Variants in PCDH11X observed in about 807,000 individuals in gnomAD.
PCDH11X encodes protocadherin-11 X-linked.
PCDH11X carries 18 observed loss-of-function variants against 53.3 expected under a neutral mutation model. The observed-to-expected ratio is 0.34, with a 90% confidence interval of 0.23 to 0.50. The LOEUF (loss-of-function observed/expected upper bound fraction) is 0.50, where lower values mean the gene tolerates loss of function less well. Among genes scored for constraint, PCDH11X ranks in the 20% least tolerant of loss-of-function variants. The pLI, the probability that PCDH11X is intolerant of heterozygous loss-of-function variation, is 0.98. For synonymous variants in PCDH11X, 279 were observed against 393.3 expected, an observed-to-expected ratio of 0.71 and a Z score of 3.44; for missense variants, 570 against 1,032.4, an observed-to-expected ratio of 0.55 and a Z score of 6.14.
chrX:92,315,277 G>T (rs764512260), intron 8 of PCDH11X, among the ~76,000 whole-genome samples: 1 of 112,244 alleles, frequency 8.9e-6, no homozygotes, highest in Admixed American at 9.4e-5. Context: ...AGCATAAAGT[G>T]CACTGGAGGA....
At chrX:92,240,812 T>C (rs1182763784) in intron 7 of PCDH11X, among the ~76,000 whole-genome samples, 2 of 111,239 alleles carry the variant, frequency 1.8e-5, no homozygotes, top group Non-Finnish European at 3.8e-5. Context: ...ACAATTCTGT[T>C]TTCAGAAGTT....
chrX:92,131,057 A>G (rs2064963664), intron 6 of PCDH11X, among the ~76,000 whole-genome samples: 1 of 111,438 alleles, frequency 9.0e-6, no homozygotes, highest in African/African-American at 3.3e-5. Flanking sequence ...ACACATTACC[A>G]CTTAACAGGA....
intron 6 of PCDH11X, among the ~76,000 whole-genome samples, chrX:91,998,370 A>T (rs1351006081): frequency 1.8e-5 from 2 of 111,517 alleles, no homozygotes; most frequent in Non-Finnish European, 3.8e-5. Context: ...TCTTTGTGGT[A>T]TCAGTTGTAA....
chrX:91,904,244 A>C (rs1156421531), intron 6 of PCDH11X, among the ~76,000 whole-genome samples: 2 of 110,877 alleles, frequency 1.8e-5, no homozygotes, highest in East Asian at 5.7e-4. Context: ...ACTTTTAAAA[A>C]TTACTTTTGC....
Position 92,620,817 on chromosome X carries a change from T to G in PCDH11X, c.*1877T>G, listed in dbSNP as rs1928426318. On this transcript the variant is annotated 3_prime_UTR_variant, in exon 11 of 11. Coordinates refer to ENST00000682573, the MANE Select transcript of PCDH11X (RefSeq NM_032968.5). ...AATTAATGTTTTTTCTCCTTCGTGTTGTTAATGTTCCAAGGGATTTGGAGC... is the reference window on the plus strand; with the variant it reads ...AATTAATGTTTTTTCTCCTTCGTGTGGTTAATGTTCCAAGGGATTTGGAGC... 9.2e-6 allele frequency: 1 copy of G among 108,562 alleles called. No homozygotes were observed. Among genetic ancestry groups the G allele is most frequent in the South Asian group, 3.9e-4 (1 of 2,571 alleles). The allele number at this position is 108,562 out of a possible 1,213,427, so 8.9% of individuals were successfully genotyped here.
chrX:92,383,286 T>C (rs965474658), intron 8 of PCDH11X, among the ~76,000 whole-genome samples: 1 of 105,573 alleles, frequency 9.5e-6, no homozygotes, highest in Admixed American at 1.1e-4. Flanking sequence ...TCCTAGAGGA[T>C]GATTAGTTTA....
At chrX:92,395,868 A>G (rs1402159915) in intron 9 of PCDH11X, among the ~76,000 whole-genome samples, 1 of 109,610 alleles carries the variant, frequency 9.1e-6, no homozygotes, top group Non-Finnish European at 1.9e-5. Flanking sequence ...GTAGTATAAA[A>G]TTTAGCATTA....
At chrX:91,801,176 C>A (rs2563585) in intron 1 of PCDH11X, among the ~76,000 whole-genome samples, 1 of 73,459 alleles carries the variant, frequency 1.4e-5, no homozygotes, top group African/African-American at 5.1e-5. Flanking sequence ...CAAGACCCTG[C>A]CTCAAAAAAA....
intron 6 of PCDH11X, among the ~76,000 whole-genome samples, chrX:92,147,361 AT>A (rs1409574258): frequency 9.1e-6 from 1 of 110,013 alleles, no homozygotes; most frequent in Non-Finnish European, 1.9e-5. Flanking sequence ...ATGTCTTCAG[AT>A]TTTTTAAAAA....
chrX:92,418,332 A>G (rs192711648), intron 9 of PCDH11X, among the ~76,000 whole-genome samples: 6 of 111,332 alleles, frequency 5.4e-5, no homozygotes, highest in Admixed American at 1.9e-4. Flanking sequence ...AAAAGTATGC[A>G]TGCATTTCAA....
chrX:92,374,801 G>A (rs923893124), intron 8 of PCDH11X, among the ~76,000 whole-genome samples: 7 of 110,233 alleles, frequency 6.4e-5, no homozygotes, highest in Non-Finnish European at 1.3e-4. Context: ...GTTTTAAAGT[G>A]ATAATCCATA....
chrX:91,984,663 A>G (rs1157783838), intron 6 of PCDH11X, among the ~76,000 whole-genome samples: 2 of 111,385 alleles, frequency 1.8e-5, no homozygotes, highest in Non-Finnish European at 3.8e-5. Flanking sequence ...TCCGTGGATC[A>G]TGTGAGTAGT....
intron 7 of PCDH11X, among the ~76,000 whole-genome samples, chrX:92,255,757 G>A (rs1161433617): frequency 8.9e-6 from 1 of 112,405 alleles, no homozygotes; most frequent in African/African-American, 3.2e-5. Flanking sequence ...CTGGTCAGGG[G>A]TCAGGGACCC....
At position 91,874,794 on chromosome X, in the gene PCDH11X, A is replaced by T. The variant is rs755054376; in HGVS notation, c.541-1987A>T. 2.7e-3 allele frequency among the ~76,000 whole-genome samples: 240 copies of T among 89,963 alleles called. 1 individual carries two copies. The highest frequency in any genetic ancestry group is 9.4e-3 in the African/African-American group (229 of 24,450). 78.1% of individuals were successfully genotyped at this position (89,963 alleles called of 115,157 possible). ...AGGTAAATTTTTTAAAGATAATGTG[A>T]TTGAAATACATTTATAAACTGATCA... On this transcript the variant is annotated intron_variant, in intron 5 of 10. Coordinates refer to ENST00000682573, the MANE Select transcript of PCDH11X (RefSeq NM_032968.5).
At chrX:91,852,283 GGGATTACA>G (rs1938077754) in intron 5 of PCDH11X, among the ~76,000 whole-genome samples, 2 of 110,453 alleles carry the variant, frequency 1.8e-5, no homozygotes, top group African/African-American at 6.6e-5. Context: ...CCAAAGTGCT[GGGATTACA>G]GGCATGAGCT....
chrX:92,460,094 C>T, intron 9 of PCDH11X: 1 of 1,057,628 alleles, frequency 9.5e-7, no homozygotes, highest in Non-Finnish European at 1.3e-6. Context: ...TTCGCAAATA[C>T]TGTGGACAAT....
chrX:91,844,312 G>A (rs1263847121), intron 5 of PCDH11X, among the ~76,000 whole-genome samples: 5 of 110,174 alleles, frequency 4.5e-5, no homozygotes, highest in African/African-American at 1.7e-4. Context: ...TTTTTGTTTT[G>A]TTTTGTTTTG....
chrX:92,465,172 G>T (rs892198441), intron 9 of PCDH11X, among the ~76,000 whole-genome samples: 14 of 111,430 alleles, frequency 1.3e-4, no homozygotes, highest in African/African-American at 3.9e-4. Flanking sequence ...AAGCCCATAA[G>T]AATAGGATAA....
chrX:92,149,120 C>G (rs1438692845), intron 6 of PCDH11X, among the ~76,000 whole-genome samples: 1 of 110,814 alleles, frequency 9.0e-6, no homozygotes, highest in African/African-American at 3.3e-5. Flanking sequence ...AACATCAACC[C>G]TATAACTGTG....
Sources: allele counts gnomAD v4.1 joint callset (sites outside exome capture counted in the v4.1 genomes callset), GRCh38; gene constraint gnomAD v4.1.1; transcripts MANE v1.5; gene names NCBI Gene and HGNC (gene_info 2026-07-23, HGNC 2026-07-21).